Variants in CLSTN2 observed in about 807,000 individuals in gnomAD.
CLSTN2 encodes calsyntenin-2.
In CLSTN2, 48 loss-of-function variants were observed where a neutral mutation model predicts 101.2. The ratio of observed to expected loss-of-function variants is 0.47; its 90% CI spans 0.38 to 0.60. The LOEUF (loss-of-function observed/expected upper bound fraction) is 0.60, where lower values mean the gene tolerates loss of function less well. Among genes scored for constraint, CLSTN2 ranks in the 20% least tolerant of loss-of-function variants. The probability of loss-of-function intolerance (pLI) is 0.00; values close to 1 mark genes in which losing one functional copy is unlikely to be tolerated. For synonymous variants in CLSTN2, 481 were observed against 463.6 expected (o/e 1.04, Z -0.48); for missense variants, 1,160 against 1,238.2 (o/e 0.94, Z 0.95).
At chr3:140,067,987 G>C (rs1016209484) in intron 1 of CLSTN2, among the ~76,000 whole-genome samples, 3 of 152,230 alleles carry the variant, frequency 2.0e-5, no homozygotes, top group Non-Finnish European at 4.4e-5. Flanking sequence ...CTCATTCCAG[G>C]CTCTGTGCTG....
At chr3:140,127,705 G>T (rs1320483379) in intron 1 of CLSTN2, among the ~76,000 whole-genome samples, 1 of 152,126 alleles carries the variant, frequency 6.6e-6, no homozygotes, top group Non-Finnish European at 1.5e-5. Context: ...CATCTCAAAG[G>T]CTTCAGGAGT....
intron 2 of CLSTN2, among the ~76,000 whole-genome samples, chr3:140,338,572 C>CT (rs879532454): frequency 6.6e-6 from 1 of 152,158 alleles, no homozygotes; most frequent in African/African-American, 2.4e-5. Flanking sequence ...AGTCCCCCCC[C>CT]GGCCTCAGTA....
chr3:139,971,382 A>G lies in CLSTN2; in HGVS notation c.109+35899A>G, dbSNP rs1935700291. Among the ~76,000 whole-genome samples, 3 of 152,350 alleles carry G rather than the reference A, an allele frequency of 2.0e-5. 1 individual carries two copies. Among genetic ancestry groups the G allele is most frequent in the South Asian group, 4.1e-4 (2 of 4,824 alleles). On this transcript the variant is annotated intron_variant, in intron 1 of 16. Coordinates refer to ENST00000458420, the MANE Select transcript of CLSTN2 (RefSeq NM_022131.3). ...ATTTCTGGTGTATTCAACAAAATTT[A>G]TTCAACAATCATTTATTGAGTGTTC... is the stretch of plus-strand genomic sequence containing the variant.
intron 2 of CLSTN2, among the ~76,000 whole-genome samples, chr3:140,314,947 A>G (rs1391074933): frequency 2.6e-5 from 4 of 152,206 alleles, no homozygotes; most frequent in African/African-American, 7.2e-5. Flanking sequence ...GGCACAAAGC[A>G]AGCACCAGAG....
chr3:140,199,155 C>T (rs1280306846), intron 2 of CLSTN2, among the ~76,000 whole-genome samples: 1 of 152,174 alleles, frequency 6.6e-6, no homozygotes, highest in African/African-American at 2.4e-5. Flanking sequence ...GTGTGAGTTT[C>T]CTTATCTTGT....
At chr3:140,078,287 T>G (rs1263678050) in intron 1 of CLSTN2, among the ~76,000 whole-genome samples, 1 of 152,220 alleles carries the variant, frequency 6.6e-6, no homozygotes, top group Non-Finnish European at 1.5e-5. Context: ...TAGCTCCTTC[T>G]GGTTAATTTG....
chr3:140,216,988 G>T, intron 2 of CLSTN2, among the ~76,000 whole-genome samples: 1 of 152,160 alleles, frequency 6.6e-6, no homozygotes, highest in East Asian at 1.9e-4. Flanking sequence ...CCATTTTACA[G>T]ATGAGAGAAC....
At chr3:140,460,112 T>G in intron 7 of CLSTN2, 1 of 267,744 alleles carries the variant, frequency 3.7e-6, no homozygotes. Flanking sequence ...GAGGAATCTT[T>G]ATTCCTACTT....
chr3:139,949,688 C>T (rs1935262634), intron 1 of CLSTN2, among the ~76,000 whole-genome samples: 1 of 152,096 alleles, frequency 6.6e-6, no homozygotes, highest in Non-Finnish European at 1.5e-5. Context: ...GACATAAGGC[C>T]CCACTTTGCT....
intron 1 of CLSTN2, among the ~76,000 whole-genome samples, chr3:140,016,433 G>A (rs1190234456): frequency 2.6e-5 from 4 of 152,190 alleles, no homozygotes; most frequent in Non-Finnish European, 5.9e-5. Flanking sequence ...GATTTGAACA[G>A]TGAGCATCCA....
intron 6 of CLSTN2, among the ~76,000 whole-genome samples, chr3:140,455,582 G>C (rs1933379315): frequency 6.6e-6 from 1 of 152,248 alleles, no homozygotes; most frequent in African/African-American, 2.4e-5. Flanking sequence ...CACTCAAGCT[G>C]CAGCTGCTGT....
chr3:140,278,306 T>C (rs4077501), intron 2 of CLSTN2, among the ~76,000 whole-genome samples: 145,068 of 152,176 alleles, frequency 0.95, 69,328 homozygotes, highest in Non-Finnish European at 0.99. Flanking sequence ...CCCGCCTCTT[T>C]TCTACCCTTC....
In CLSTN2 at chr3:140,118,989, A is replaced by C. The variant is rs183809906; in HGVS notation, c.110-56962A>C. 1.1e-4 allele frequency among the ~76,000 whole-genome samples: 16 copies of C among 152,282 alleles called. 1 individual carries two copies. In the East Asian group the frequency reaches 2.7e-3, roughly 26 times the overall value. ...GAAAAATAATAATAAAATAAACCCA[A>C]CAACATAGCAGAGCAGGCAGGTGGG... is the stretch of plus-strand genomic sequence containing the variant. On this transcript the variant is annotated intron_variant, in intron 1 of 16. Coordinates refer to ENST00000458420, the MANE Select transcript of CLSTN2 (RefSeq NM_022131.3).
intron 2 of CLSTN2, among the ~76,000 whole-genome samples, chr3:140,369,956 A>G (rs62268031): frequency 0.077 from 11,762 of 152,360 alleles, 550 homozygotes; most frequent in Middle Eastern, 0.12. Context: ...CACATTTACA[A>G]TGGAGACTAA....
At position 140,391,268 on chromosome 3, in the gene CLSTN2, C is replaced by CA. The variant is rs2088110909; in HGVS notation, c.233-12355dup. Among the ~76,000 whole-genome samples, 3 of 148,202 alleles carry CA rather than the reference C, an allele frequency of 2.0e-5. No individual in the cohort carries two copies. The Admixed American group carries it at 2.1e-4, about 10-fold the overall frequency. On this transcript the variant is annotated intron_variant, in intron 2 of 16. Transcript: ENST00000458420. ...CTGCCCTCAGGGCAAAGGATCAAAACAAAAAACTCATCCATCCCTAGTAGC... is the reference window on the plus strand; with the variant it reads ...CTGCCCTCAGGGCAAAGGATCAAAACAAAAAAACTCATCCATCCCTAGTAGC...
rs192213225 is a variant in CLSTN2 at position 140,079,555 on chromosome 3, T to A, written c.110-96396T>A. Among the ~76,000 whole-genome samples, 767 of 152,124 alleles carry A rather than the reference T, an allele frequency of 5.0e-3. 7 individuals are homozygous for A. Among genetic ancestry groups the A allele is most frequent in the African/African-American group, 0.018 (735 of 41,508 alleles). On this transcript the variant is annotated intron_variant, in intron 1 of 16. Coordinates refer to ENST00000458420, the MANE Select transcript of CLSTN2 (RefSeq NM_022131.3). ...TCATGAGGTCAGGAGATTGAGACCA[T>A]CCTGGCTAACACAGTGAAACCCCAT...
At chr3:140,197,213 G>T (rs1465029016) in intron 2 of CLSTN2, among the ~76,000 whole-genome samples, 1 of 152,122 alleles carries the variant, frequency 6.6e-6, no homozygotes, top group Non-Finnish European at 1.5e-5. Context: ...ATTGTTCAGT[G>T]GCATTTACAG....
Position 140,243,761 on chromosome 3 carries a change from C to T in CLSTN2, c.232+67688C>T, listed in dbSNP as rs1295586651. Among the ~76,000 whole-genome samples the T allele has an allele frequency of 2.0e-5, 3 of 152,230 alleles. No individual in the cohort carries two copies. In the East Asian group the frequency reaches 5.8e-4, roughly 29 times the overall value. Reference sequence around the variant, plus strand: ...TTGGAAGATGGCCAGAAATGCAGATCAGGTCCCCAGATCTACTGCATCAGA... The same window carrying T: ...TTGGAAGATGGCCAGAAATGCAGATTAGGTCCCCAGATCTACTGCATCAGA... On this transcript the variant is annotated intron_variant, in intron 2 of 16. Transcript: ENST00000458420.
intron 15 of CLSTN2, 23 bp from the exon 16 acceptor site, chr3:140,563,938 T>C: frequency 6.2e-7 from 1 of 1,611,082 alleles, no homozygotes; most frequent in South Asian, 1.1e-5. Context: ...CACCATGTCA[T>C]GCGAGTTTTT....
Sources: gnomAD v4.1 joint callset for allele counts (sites outside exome capture counted in the v4.1 genomes callset) on GRCh38, gnomAD v4.1.1 for gene constraint, MANE v1.5 for transcripts, NCBI Gene and HGNC (gene_info 2026-07-23, HGNC 2026-07-21) for gene names.